Variants in GTF3C6 observed in about 807,000 individuals in gnomAD.
GTF3C6 encodes general transcription factor IIIC subunit 6.
GTF3C6 carries 11 observed loss-of-function variants against 19.2 expected under a neutral mutation model. That is an observed-to-expected ratio of 0.57 (90% CI 0.36 to 0.95). The LOEUF is 0.95. GTF3C6 is among the 40% of genes least tolerant of loss of function. GTF3C6 has a pLI of 0.01. For missense variants in GTF3C6, 222 were observed against 254.7 expected (o/e 0.87, Z 0.87); for synonymous variants, 87 against 84.2 (o/e 1.03, Z -0.18).
intron 1 of GTF3C6, 165 bp downstream of exon 1, chr6:110,958,991 C>T (rs1049810099): frequency 5.8e-6 from 5 of 863,830 alleles, no homozygotes; most frequent in East Asian, 2.6e-5. Flanking sequence ...GGGACCTTAG[C>T]CCTAATCGTC....
chr6:110,963,587 TC>T (rs556472283), intron 5 of GTF3C6, among the ~76,000 whole-genome samples: 54 of 152,248 alleles, frequency 3.5e-4, no homozygotes, highest in African/African-American at 1.3e-3. Flanking sequence ...GGAAAAAACT[TC>T]CTTGTGAGCA....
At chr6:110,960,150 C>T (rs1771141605) in intron 2 of GTF3C6, among the ~76,000 whole-genome samples, 1 of 152,050 alleles carries the variant, frequency 6.6e-6, no homozygotes, top group Non-Finnish European at 1.5e-5. Flanking sequence ...CTTTGCACTA[C>T]TGTTGACAAA....
chr6:110,959,162 C>G lies in GTF3C6; in HGVS notation c.58-10C>G. ...CGTGCTAGCATGTTAACCCCTCTTT[C>G]TTTCACCAGGAGCAGTTGGTTCTGG... On this transcript the variant is annotated splice_polypyrimidine_tract_variant and intron_variant, in intron 1 of 5. Transcript: ENST00000329970. 6.3e-7 allele frequency: 1 copy of G among 1,598,022 alleles called. No individual in the cohort carries two copies.
At chr6:110,964,919 G>A (rs1232747522) in intron 5 of GTF3C6, among the ~76,000 whole-genome samples, 4 of 148,930 alleles carry the variant, frequency 2.7e-5, no homozygotes, top group East Asian at 4.0e-4. Context: ...TGCAACCTCC[G>A]CCTCCTGGGT....
At chr6:110,966,305 A>C (rs1422623782) in intron 5 of GTF3C6, among the ~76,000 whole-genome samples, 1 of 151,984 alleles carries the variant, frequency 6.6e-6, no homozygotes, top group Non-Finnish European at 1.5e-5. Context: ...GAGACCCCCC[A>C]TTTCCACTAA....
rs555997271 is a variant in GTF3C6, at chr6:110,964,717, C to T, written c.361+2212C>T. ...AGTGCAGTGGCGTGATCTCAGCTCA[C>T]TGCAACCTCTGCCTCCCAGGTTCAA... On this transcript the variant is annotated intron_variant, in intron 5 of 5. Coordinates refer to ENST00000329970, the MANE Select transcript of GTF3C6 (RefSeq NM_138408.4). 2.0e-3 allele frequency among the ~76,000 whole-genome samples: 299 copies of T among 152,264 alleles called. 3 individuals are homozygous for T. Among genetic ancestry groups the T allele is most frequent in the African/African-American group, 7.1e-3 (294 of 41,564 alleles).
At position 110,965,239 on chromosome 6, in the gene GTF3C6, GTGTTGGGA is replaced by G. The variant is rs567469945; in HGVS notation, c.362-2269_362-2262del. On this transcript the variant is annotated intron_variant, in intron 5 of 5. Coordinates refer to ENST00000329970, the MANE Select transcript of GTF3C6 (RefSeq NM_138408.4). The stretch of plus-strand genomic sequence containing the variant: ...GATCCTCCTGCCTCAGCCTCCCAAA[GTGTTGGGA>G]TTACAGTGATGAGTTCTTAATTTGC... Among the ~76,000 whole-genome samples, 7 of 150,718 alleles carry G rather than the reference GTGTTGGGA, an allele frequency of 4.6e-5. No individual in the cohort carries two copies. The East Asian group carries it at 1.4e-3, about 29-fold the overall frequency.
Position 110,958,715 on chromosome 6 carries a change from A to T in GTF3C6, c.-55A>T. The T allele has an allele frequency of 6.5e-7, 1 of 1,541,260 alleles. No homozygotes were observed. Among genetic ancestry groups the T allele is most frequent in the South Asian group, 1.2e-5 (1 of 83,682 alleles). On this transcript the variant is annotated 5_prime_UTR_variant, in exon 1 of 6. The change abolishes an upstream ATG in the 5' untranslated region. Coordinates refer to ENST00000329970, the MANE Select transcript of GTF3C6 (RefSeq NM_138408.4). ...CTCGGAGCTGAAGCCCGTACTCAAG[A>T]TGGCGGCTCCGGGCGGGCGTGGCCA...
In GTF3C6 at chr6:110,958,804, A is replaced by C. The variant is rs1327486971; in HGVS notation, c.35A>C (p.Asp12Ala). ...AAAADERSPE[D>A]GEDEEEEEQL... Reference sequence around the variant, plus strand: ...GCGGCGGACGAGCGGAGTCCAGAGGACGGAGAAGACGAGGAAGAGGAGGTA... The same window carrying C: ...GCGGCGGACGAGCGGAGTCCAGAGGCCGGAGAAGACGAGGAAGAGGAGGTA... The change falls in exon 1 of 6, where the codon GAC becomes GCC. Residue 12 changes from aspartate (D) to alanine (A), a missense_variant. Coordinates refer to ENST00000329970, the MANE Select transcript of GTF3C6 (RefSeq NM_138408.4). 1 of 1,551,186 alleles carries C rather than the reference A, an allele frequency of 6.4e-7. No individual in the cohort carries two copies. Among genetic ancestry groups the C allele is most frequent in the Admixed American group, 2.0e-5 (1 of 50,988 alleles).
Position 110,967,623 on chromosome 6 carries a change from A to G in GTF3C6, c.475A>G (p.Lys159Glu), listed in dbSNP as rs1771247604. 2 of 1,614,034 alleles carry G rather than the reference A, an allele frequency of 1.2e-6. No homozygotes were observed. The highest frequency in any genetic ancestry group is 2.2e-5 in the South Asian group (2 of 91,090). ...DEEVVASAPD[K>E]SLELEEEEIQ... ...AGAAGTGGTAGCTTCAGCCCCAGAT[A>G]AATCTTTGGAATTGGAAGAGGAAGA... Residue 159 changes from lysine (K) to glutamate (E), a missense_variant, in exon 6 of 6, where the codon AAA (lysine) becomes GAA (glutamate). Transcript: ENST00000329970.
rs1411623639 is a variant in GTF3C6 at position 110,960,415 on chromosome 6, G to T, written c.140G>T (p.Gly47Val). The T allele has an allele frequency of 6.2e-7, 1 of 1,611,938 alleles. No individual in the cohort carries two copies. The highest frequency in any genetic ancestry group is 1.7e-5 in the Admixed American group (1 of 59,646). ...SKCENKCKVLGIDTERPILQV... is the reference protein window; with the variant it reads ...SKCENKCKVLVIDTERPILQV... ...TTATGATCCTTTATTCTGTTGTAGGGCATTGACACTGAGAGGCCCATTCTG... is the reference window on the plus strand; with the variant it reads ...TTATGATCCTTTATTCTGTTGTAGGTCATTGACACTGAGAGGCCCATTCTG... Residue 47 changes from glycine (G) to valine (V), a missense_variant and splice_region_variant, in exon 3 of 6, where the codon GGC becomes GTC. Transcript: ENST00000329970.
In GTF3C6 at chr6:110,967,494, A is replaced by T. The variant is rs1299100763; in HGVS notation, c.362-16A>T. On this transcript the variant is annotated splice_polypyrimidine_tract_variant and intron_variant, in intron 5 of 5. Transcript: ENST00000329970. ...TTGTTTCTTTTTTTGTTTATTCCTC[A>T]TCCCCTCCAAATTAGGTGGGGTGGA... 5 of 1,585,412 alleles carry T rather than the reference A, an allele frequency of 3.2e-6. No individual in the cohort carries two copies.
chr6:110,959,269 T>TG lies in GTF3C6; in HGVS notation c.138+23dup. ...AAGGTTTTGGTGAGTTTTCTAGACTTGGGGGGATTGTTCTAGAGTGTCTTA... is the reference window on the plus strand; with the variant it reads ...AAGGTTTTGGTGAGTTTTCTAGACTTGGGGGGGATTGTTCTAGAGTGTCTTA... On this transcript the variant is annotated intron_variant, in intron 2 of 5. Transcript: ENST00000329970. 4 of 1,422,340 alleles carry TG rather than the reference T, an allele frequency of 2.8e-6. No homozygotes were observed. In the South Asian group the frequency reaches 4.7e-5, roughly 17 times the overall value. 88.1% of individuals were successfully genotyped at this position (1,422,340 alleles called of 1,614,324 possible). A position where few individuals can be genotyped will look rare whatever the true frequency, so the allele number is the denominator to read the frequency against.
chr6:110,964,495 C>T (rs1771203640), intron 5 of GTF3C6, among the ~76,000 whole-genome samples: 2 of 152,062 alleles, frequency 1.3e-5, no homozygotes, highest in African/African-American at 2.4e-5. Flanking sequence ...TTGCCTCAGC[C>T]TCCCAAAGTG....
chr6:110,963,083 C>T (rs969974675), intron 5 of GTF3C6, among the ~76,000 whole-genome samples: 3 of 151,900 alleles, frequency 2.0e-5, no homozygotes, highest in South Asian at 2.1e-4. Flanking sequence ...TGGCCACGCC[C>T]GGCTAATTTT....
At chr6:110,964,923 C>G (rs1250839841) in intron 5 of GTF3C6, among the ~76,000 whole-genome samples, 2 of 151,396 alleles carry the variant, frequency 1.3e-5, no homozygotes, top group Admixed American at 1.3e-4. Flanking sequence ...ACCTCCGCCT[C>G]CTGGGTTGAA....
intron 5 of GTF3C6, among the ~76,000 whole-genome samples, chr6:110,965,048 G>A (rs1248709422): frequency 6.6e-6 from 1 of 151,240 alleles, no homozygotes; most frequent in Non-Finnish European, 1.5e-5. Context: ...TGGTCAGGCT[G>A]GTCTCGAACT....
rs756946489 is a variant in GTF3C6, at chr6:110,960,388, T to C, written c.139-26T>C. ...AAGCCTTTTTCTAATTATGTTTTTTTTTTATGATCCTTTATTCTGTTGTAG... is the reference window on the plus strand; with the variant it reads ...AAGCCTTTTTCTAATTATGTTTTTTCTTTATGATCCTTTATTCTGTTGTAG... On this transcript the variant is annotated intron_variant, in intron 2 of 5. Transcript: ENST00000329970. The C allele has an allele frequency of 7.0e-6, 11 of 1,574,112 alleles. No individual in the cohort carries two copies. In the Admixed American group the frequency reaches 1.7e-4, roughly 24 times the overall value.
intron 2 of GTF3C6, among the ~76,000 whole-genome samples, chr6:110,959,760 C>T (rs1012180853): frequency 1.3e-5 from 2 of 151,928 alleles, no homozygotes; most frequent in Non-Finnish European, 2.9e-5. Context: ...GAGTTCGAGA[C>T]CAGCCTGGCC....
Sources: gnomAD v4.1 joint callset for allele counts (sites outside exome capture counted in the v4.1 genomes callset) on GRCh38, gnomAD v4.1.1 for gene constraint, MANE v1.5 for transcripts, NCBI Gene and HGNC (gene_info 2026-07-23, HGNC 2026-07-21) for gene names.